Variants in RSU1 observed in about 807,000 individuals in gnomAD.
RSU1 encodes the protein rsu-1.
A neutral mutation model predicts 31.1 loss-of-function variants in RSU1; 26 were observed. The ratio of observed to expected loss-of-function variants is 0.84; its 90% CI spans 0.61 to 1.16. The LOEUF is 1.16. Among genes scored for constraint, RSU1 ranks in the 50% most tolerant of loss-of-function variants. RSU1 has a pLI of 0.00. For missense variants in RSU1, 320 were observed against 339.1 expected, an observed-to-expected ratio of 0.94 and a Z score of 0.44; for synonymous variants, 164 against 136.3, an observed-to-expected ratio of 1.20 and a Z score of -1.41.
intron 7 of RSU1, among the ~76,000 whole-genome samples, chr10:16,726,180 T>C (rs1836388853): frequency 6.6e-6 from 1 of 152,218 alleles, no homozygotes; most frequent in South Asian, 2.1e-4. Flanking sequence ...TAGATTCAAA[T>C]TTACATTTAA....
intron 8 of RSU1, among the ~76,000 whole-genome samples, chr10:16,616,371 C>CAAAAAA (rs529296931): frequency 6.6e-5 from 6 of 90,966 alleles, no homozygotes; most frequent in Middle Eastern, 8.6e-3. Context: ...GCCTACCAAC[C>CAAAAAA]AAAAAAAAAA....
chr10:16,780,826 T>C (rs1353963020), intron 3 of RSU1, among the ~76,000 whole-genome samples: 1 of 152,202 alleles, frequency 6.6e-6, no homozygotes, highest in Non-Finnish European at 1.5e-5. Flanking sequence ...GTTACAACAA[T>C]GACCACACAT....
At chr10:16,722,869 T>TATATATACACACATATACATATATGC (rs1564332499) in intron 7 of RSU1, among the ~76,000 whole-genome samples, 6 of 139,942 alleles carry the variant, frequency 4.3e-5, no homozygotes, top group Non-Finnish European at 4.8e-5. Context: ...TACATATATG[T>TATATATACACACATATACATATATGC]ATATATACAC....
chr10:16,736,743 T>G (rs888406408), intron 7 of RSU1, among the ~76,000 whole-genome samples: 7 of 151,910 alleles, frequency 4.6e-5, no homozygotes, highest in Non-Finnish European at 1.0e-4. Flanking sequence ...GAAATTACAT[T>G]ACCAGATAAA....
chr10:16,703,645 T>G (rs954052420), intron 7 of RSU1, among the ~76,000 whole-genome samples: 3 of 152,152 alleles, frequency 2.0e-5, no homozygotes, highest in African/African-American at 7.2e-5. Context: ...TTTAATGACA[T>G]GGGGCAATGG....
chr10:16,593,240 T>G lies in RSU1; in HGVS notation c.*154A>C. On this transcript the variant is annotated 3_prime_UTR_variant, in exon 9 of 9. Coordinates refer to ENST00000345264, the MANE Select transcript of RSU1 (RefSeq NM_012425.4). ...CAATCTCCCACCTAGCAAAAGAATC[T>G]AAAAGGTAAGGTGGGAAGCATTAGA... 1 of 1,380,874 alleles carries G rather than the reference T, an allele frequency of 7.2e-7. No individual in the cohort carries two copies. The highest frequency in any genetic ancestry group is 9.6e-7 in the Non-Finnish European group (1 of 1,046,536). 85.5% of individuals were successfully genotyped at this position (1,380,874 alleles called of 1,614,324 possible). A position where few individuals can be genotyped will look rare whatever the true frequency, so the allele number is the denominator to read the frequency against.
intron 8 of RSU1, among the ~76,000 whole-genome samples, chr10:16,687,950 T>G (rs1835469524): frequency 1.3e-5 from 2 of 152,124 alleles, no homozygotes; most frequent in African/African-American, 4.8e-5. Flanking sequence ...TTGAACTCCC[T>G]GGGCTCAAGT....
At chr10:16,692,938 A>G (rs1835591936) in intron 8 of RSU1, among the ~76,000 whole-genome samples, 1 of 152,074 alleles carries the variant, frequency 6.6e-6, no homozygotes, top group Non-Finnish European at 1.5e-5. Flanking sequence ...TGGCAATTTT[A>G]GTGTATTTCA....
intron 7 of RSU1, among the ~76,000 whole-genome samples, chr10:16,718,788 G>A (rs561988022): frequency 6.6e-6 from 1 of 151,996 alleles, no homozygotes; most frequent in African/African-American, 2.4e-5. Context: ...CAAGACCAGC[G>A]TGGCCAACAT....
chr10:16,651,967 A>G (rs1166283865), intron 8 of RSU1, among the ~76,000 whole-genome samples: 1 of 152,252 alleles, frequency 6.6e-6, no homozygotes. Context: ...TTTCCTAAAT[A>G]TCTCAAAATT....
chr10:16,758,116 G>A (rs1837134554), intron 4 of RSU1, among the ~76,000 whole-genome samples: 1 of 152,200 alleles, frequency 6.6e-6, no homozygotes, highest in Non-Finnish European at 1.5e-5. Context: ...AGTCCCATGT[G>A]CCGCTGACAG....
intron 4 of RSU1, among the ~76,000 whole-genome samples, chr10:16,756,354 A>T (rs923185208): frequency 6.6e-6 from 1 of 152,176 alleles, no homozygotes; most frequent in East Asian, 1.9e-4. Flanking sequence ...AAAAATTTTT[A>T]AATCATACAA....
chr10:16,800,257 C>T (rs1838124507), intron 2 of RSU1, among the ~76,000 whole-genome samples: 1 of 152,074 alleles, frequency 6.6e-6, no homozygotes. Context: ...GAAGCACACT[C>T]GGATATGGCA....
intron 7 of RSU1, among the ~76,000 whole-genome samples, chr10:16,701,849 A>C (rs1418287669): frequency 1.3e-5 from 2 of 152,228 alleles, no homozygotes; most frequent in Non-Finnish European, 2.9e-5. Flanking sequence ...AGTTGCTTAT[A>C]AATATAATTA....
intron 8 of RSU1, among the ~76,000 whole-genome samples, chr10:16,633,444 C>G (rs546275817): frequency 1.3e-5 from 2 of 152,232 alleles, no homozygotes; most frequent in South Asian, 4.1e-4. Context: ...CAACACCCAT[C>G]CCCACCTGGG....
chr10:16,782,161 AG>A, intron 2 of RSU1, 77 bp from the exon 3 acceptor site: 1 of 1,148,388 alleles, frequency 8.7e-7, no homozygotes, highest in East Asian at 2.3e-5. Flanking sequence ...ACTCCTACAA[AG>A]CAAACGGCAA....
intron 8 of RSU1, among the ~76,000 whole-genome samples, chr10:16,672,283 C>G (rs1835122438): frequency 6.6e-6 from 1 of 152,152 alleles, no homozygotes; most frequent in East Asian, 1.9e-4. Context: ...GCACTCCAGC[C>G]TGGGCGACAG....
chr10:16,628,464 A>G (rs1400675181), intron 8 of RSU1, among the ~76,000 whole-genome samples: 2 of 150,922 alleles, frequency 1.3e-5, no homozygotes, highest in Non-Finnish European at 2.9e-5. Context: ...TCTTAAAAAC[A>G]TCACTGACCA....
At chr10:16,736,764 C>T (rs1280801471) in intron 7 of RSU1, among the ~76,000 whole-genome samples, 1 of 151,772 alleles carries the variant, frequency 6.6e-6, no homozygotes, top group African/African-American at 2.4e-5. Flanking sequence ...AATGTTAAAA[C>T]AGCAATTTAA....
Sources: gnomAD v4.1 joint callset for allele counts (sites outside exome capture counted in the v4.1 genomes callset) on GRCh38, gnomAD v4.1.1 for gene constraint, MANE v1.5 for transcripts, NCBI Gene and HGNC (gene_info 2026-07-23, HGNC 2026-07-21) for gene names.